The following RPS6KC1 variants were observed in gnomAD, a reference collection of about 807,000 sequenced individuals.
The protein encoded by RPS6KC1 is inactive ribosomal protein S6 kinase delta-1.
In RPS6KC1, 54 loss-of-function variants were observed where a neutral mutation model predicts 103.8. The ratio of observed to expected loss-of-function variants is 0.52; its 90% CI spans 0.42 to 0.65. The LOEUF (loss-of-function observed/expected upper bound fraction) is 0.65. Ranked by LOEUF, RPS6KC1 falls within the 30% of genes least tolerant of loss-of-function variation. RPS6KC1 has a pLI of 0.00. For missense variants in RPS6KC1, 1,151 were observed against 1,253.8 expected (o/e 0.92, Z 1.24); for synonymous variants, 439 against 438.7 (o/e 1.00, Z -0.01).
At chr1:213,098,297 C>T (rs908010875) in intron 3 of RPS6KC1, among the ~76,000 whole-genome samples, 25 of 131,664 alleles carry the variant, frequency 1.9e-4, no homozygotes, top group Non-Finnish European at 2.7e-4. Context: ...CCACCATGCC[C>T]GGCTAATTTT....
chr1:213,265,999 A>G (rs1024852271), intron 14 of RPS6KC1, among the ~76,000 whole-genome samples: 22 of 152,348 alleles, frequency 1.4e-4, no homozygotes, highest in African/African-American at 4.8e-4. Context: ...AATAGTAGCT[A>G]TTCATAGAGT....
chr1:213,556,510 C>A, the RPS6KC1 span, among the ~76,000 whole-genome samples: 5 of 152,122 alleles, frequency 3.3e-5, no homozygotes, highest in Non-Finnish European at 7.4e-5. Flanking sequence ...ACCTAGGCTG[C>A]TGCTGCAGAG....
Position 213,232,171 on chromosome 1 carries a change from C to T in RPS6KC1, c.1141C>T (p.Pro381Ser), listed in dbSNP as rs2094119790. 1 of 1,613,872 alleles carries T rather than the reference C, an allele frequency of 6.2e-7. No individual in the cohort carries two copies. The highest frequency in any genetic ancestry group is 1.3e-5 in the African/African-American group (1 of 74,922). The change falls in exon 10 of 15, where the codon CCC (proline) becomes TCC (serine). Residue 381 changes from proline (P) to serine (S), a missense_variant. Pro to Ser is a moderately conservative substitution (Grantham distance 74). Coordinates refer to ENST00000366960, the MANE Select transcript of RPS6KC1 (RefSeq NM_012424.6). ...CAGCAGGAACAGAAAGACCATCATC[C>T]CCCGCTGTGTGCCCAACATGGTGTG... ...EYSRNRKTII[P>S]RCVPNMVCLH... is the part of the protein sequence containing the mutation.
the RPS6KC1 span, among the ~76,000 whole-genome samples, chr1:213,329,193 C>T: frequency 3.3e-5 from 5 of 152,126 alleles, no homozygotes; most frequent in Admixed American, 6.5e-5. Flanking sequence ...CTCAGTCTTA[C>T]CTTTGGAACG....
At chr1:213,769,531 G>GAC in the RPS6KC1 span, among the ~76,000 whole-genome samples, 2 of 151,504 alleles carry the variant, frequency 1.3e-5, no homozygotes, top group Non-Finnish European at 2.9e-5. Flanking sequence ...GAGAGAGAGA[G>GAC]AGAGAGACAG....
At chr1:213,854,562 T>TTC in the RPS6KC1 span, among the ~76,000 whole-genome samples, 2,564 of 122,416 alleles carry the variant, frequency 0.021, 107 homozygotes, top group African/African-American at 0.072. Context: ...CTTTCTTTCT[T>TTC]TCTCTCTCTC....
the RPS6KC1 span, among the ~76,000 whole-genome samples, chr1:213,815,697 A>G: frequency 6.6e-6 from 1 of 152,224 alleles, no homozygotes; most frequent in Non-Finnish European, 1.5e-5. Context: ...TCTTTTATTC[A>G]GACCACTCTA....
At chr1:213,270,544 G>C (rs1227559853) in intron 14 of RPS6KC1, among the ~76,000 whole-genome samples, 8 of 152,180 alleles carry the variant, frequency 5.3e-5, no homozygotes, top group Admixed American at 4.6e-4. Flanking sequence ...GGGAGGCCAT[G>C]GTAGGAGGAC....
chr1:213,076,873 T>C (rs1366293071), intron 2 of RPS6KC1, among the ~76,000 whole-genome samples: 1 of 140,542 alleles, frequency 7.1e-6, no homozygotes, highest in Non-Finnish European at 1.5e-5. Flanking sequence ...CAGTTTATCC[T>C]TTTTTTTTTT....
chr1:213,318,831 G>T, the RPS6KC1 span, among the ~76,000 whole-genome samples: 2 of 152,200 alleles, frequency 1.3e-5, no homozygotes, highest in Non-Finnish European at 2.9e-5. Flanking sequence ...CAATATGTGG[G>T]AATTCAAGAT....
chr1:213,824,019 T>C, the RPS6KC1 span, among the ~76,000 whole-genome samples: 625 of 152,284 alleles, frequency 4.1e-3, 5 homozygotes, highest in African/African-American at 0.015. Flanking sequence ...ATAAGGTCTC[T>C]AGCGATGCTA....
chr1:213,102,477 T>C (rs1047954336), intron 3 of RPS6KC1, among the ~76,000 whole-genome samples: 4 of 152,188 alleles, frequency 2.6e-5, no homozygotes, highest in Non-Finnish European at 5.9e-5. Flanking sequence ...GTCATTTGTC[T>C]TTTAAAAAGA....
the RPS6KC1 span, among the ~76,000 whole-genome samples, chr1:213,740,690 G>A: frequency 2.1e-5 from 3 of 146,006 alleles, no homozygotes; most frequent in South Asian, 6.7e-4. Context: ...TCAGATATAT[G>A]TACACATATA....
chr1:213,501,806 TATTA>T, the RPS6KC1 span, among the ~76,000 whole-genome samples: 1 of 152,172 alleles, frequency 6.6e-6, no homozygotes, highest in Non-Finnish European at 1.5e-5. Context: ...TGCATACATT[TATTA>T]ATTAGCAATA....
the RPS6KC1 span, among the ~76,000 whole-genome samples, chr1:213,324,642 A>G: frequency 8.4e-6 from 1 of 119,528 alleles, no homozygotes; most frequent in Non-Finnish European, 1.6e-5. Flanking sequence ...CCAACGTTTG[A>G]TGGAGGAATT....
chr1:213,704,957 A>T, the RPS6KC1 span, among the ~76,000 whole-genome samples: 1 of 152,224 alleles, frequency 6.6e-6, no homozygotes, highest in Non-Finnish European at 1.5e-5. Context: ...CTTCTTTTAG[A>T]TTCTCCTGAA....
the RPS6KC1 span, among the ~76,000 whole-genome samples, chr1:213,610,382 A>G: frequency 6.6e-6 from 1 of 152,166 alleles, no homozygotes; most frequent in African/African-American, 2.4e-5. Context: ...GTCAAGAACT[A>G]TTGCTTTGCC....
At chr1:213,379,626 C>G in the RPS6KC1 span, among the ~76,000 whole-genome samples, 3 of 152,172 alleles carry the variant, frequency 2.0e-5, no homozygotes, top group African/African-American at 4.8e-5. Context: ...TATGGCAGCT[C>G]TAGCAAACGC....
intron 1 of RPS6KC1, among the ~76,000 whole-genome samples, chr1:213,061,514 G>A (rs957480641): frequency 2.2e-4 from 33 of 152,106 alleles, no homozygotes; most frequent in Non-Finnish European, 4.1e-4. Context: ...GGTCATGAAA[G>A]GGAGGTTGAG....
Sources: allele counts gnomAD v4.1 joint callset (sites outside exome capture counted in the v4.1 genomes callset), GRCh38; gene constraint gnomAD v4.1.1; transcripts MANE v1.5; gene names NCBI Gene and HGNC (gene_info 2026-07-23, HGNC 2026-07-21).